Variants in PPP1R12C observed in about 807,000 individuals in gnomAD.
PPP1R12C encodes the protein protein phosphatase 1 regulatory subunit 12C.
In PPP1R12C, 48 loss-of-function variants were observed where a neutral mutation model predicts 95.6. The ratio of observed to expected loss-of-function variants is 0.50; its 90% CI spans 0.40 to 0.64. The LOEUF (loss-of-function observed/expected upper bound fraction) is 0.64. Among genes scored for constraint, PPP1R12C ranks in the 30% least tolerant of loss-of-function variants. The pLI is 0.00. For synonymous variants in PPP1R12C, 480 were observed against 460.8 expected, an observed-to-expected ratio of 1.04 and a Z score of -0.53; for missense variants, 1,057 against 1,083.3, an observed-to-expected ratio of 0.98 and a Z score of 0.34.
chr19:55,096,405 C>G, intron 6 of PPP1R12C, 70 bp from the exon 7 acceptor site: 2 of 1,537,778 alleles, frequency 1.3e-6, no homozygotes, highest in South Asian at 2.2e-5. Flanking sequence ...CCACCACAAA[C>G]AGCTGTGCAG....
At chr19:55,103,995 CAAAAAA>C (rs35207330) in intron 3 of PPP1R12C, among the ~76,000 whole-genome samples, 1 of 118,704 alleles carries the variant, frequency 8.4e-6, no homozygotes, top group Non-Finnish European at 1.7e-5. Context: ...ACTAAAACTA[CAAAAAA>C]AAAAAAAAAA....
chr19:55,108,984 C>T (rs1199617994), intron 3 of PPP1R12C, among the ~76,000 whole-genome samples: 1 of 152,152 alleles, frequency 6.6e-6, no homozygotes, highest in Non-Finnish European at 1.5e-5. Flanking sequence ...GGGATGAAGA[C>T]TGAATCATGT....
At position 55,091,384 on chromosome 19, in the gene PPP1R12C, G is replaced by A. The variant is rs1285353078; in HGVS notation, c.*88C>T. Reference sequence around the variant, plus strand: ...TATGGCTTCTCTGAGACTTCCCCCGGAGCCCTGTCACTCGTGTTCACACGG... The same window carrying A: ...TATGGCTTCTCTGAGACTTCCCCCGAAGCCCTGTCACTCGTGTTCACACGG... On this transcript the variant is annotated 3_prime_UTR_variant, in exon 22 of 22. Transcript: ENST00000263433. 2 of 1,326,164 alleles carry A rather than the reference G, an allele frequency of 1.5e-6. No homozygotes were observed. The highest frequency in any genetic ancestry group is 1.3e-5 in the South Asian group (1 of 77,400). 82.1% of individuals were successfully genotyped at this position (1,326,164 alleles called of 1,614,324 possible).
intron 17 of PPP1R12C, 27 bp from the exon 18 acceptor site, chr19:55,092,571 G>A: frequency 6.3e-7 from 1 of 1,578,358 alleles, no homozygotes; most frequent in Non-Finnish European, 8.6e-7. Flanking sequence ...GCGCGCGTCA[G>A]GGGCCGGCCC....
At position 55,092,341 on chromosome 19, in the gene PPP1R12C, G is replaced by A; in HGVS notation, c.2056-15C>T. 2 of 1,584,552 alleles carry A rather than the reference G, an allele frequency of 1.3e-6. No individual in the cohort carries two copies. Among genetic ancestry groups the A allele is most frequent in the East Asian group, 2.3e-5 (1 of 43,458 alleles). ...TCTGCATACAGCTGGGGGTCAGGTA[G>A]AGGAGGGTCAGGTGGAGGATGGGGC... On this transcript the variant is annotated splice_polypyrimidine_tract_variant and intron_variant, in intron 18 of 21. Transcript: ENST00000263433.
At chr19:55,097,895 T>C (rs1451716347) in intron 6 of PPP1R12C, among the ~76,000 whole-genome samples, 16 of 152,064 alleles carry the variant, frequency 1.1e-4, no homozygotes, top group Admixed American at 1.0e-3. Flanking sequence ...GAAGCCACCA[T>C]GCTCCTCGCC....
rs1603015579 is a variant in PPP1R12C, at chr19:55,117,605, C to A, written c.-62G>T. 1.1e-6 allele frequency: 1 copy of A among 915,994 alleles called. No individual in the cohort carries two copies. Among genetic ancestry groups the A allele is most frequent in the Non-Finnish European group, 1.3e-6 (1 of 779,554 alleles). The allele number at this position is 915,994 out of a possible 1,614,324, so 56.7% of individuals were successfully genotyped here. A position where few individuals can be genotyped will look rare whatever the true frequency, so the allele number is the denominator to read the frequency against. ...GAGCCCCAACCGCCGCCACCACCCG[C>A]CCGCCCGCCCGCCCCGGGGGCCGCC... On this transcript the variant is annotated 5_prime_UTR_variant, in exon 1 of 22. Coordinates refer to ENST00000263433, the MANE Select transcript of PPP1R12C (RefSeq NM_017607.4).
At chr19:55,097,127 C>T (rs2084925473) in intron 6 of PPP1R12C, 1 of 246,232 alleles carries the variant, frequency 4.1e-6, no homozygotes, top group African/African-American at 3.1e-5. Context: ...ACCGTCTTCA[C>T]CCCTTCCCCA....
Position 55,112,799 on chromosome 19 carries a change from G to C in PPP1R12C, c.322-4C>G, listed in dbSNP as rs1159388288. ...CCAGGTTCTCATCAATGCAGGCCTG[G>C]GGGTGGGAAACAGCCGTCAGCCGCA... is the stretch of plus-strand genomic sequence containing the variant. On this transcript the variant is annotated splice_polypyrimidine_tract_variant and splice_region_variant and intron_variant, in intron 1 of 21. Transcript: ENST00000263433. 6.2e-7 allele frequency: 1 copy of C among 1,612,146 alleles called. No individual in the cohort carries two copies. Among genetic ancestry groups the C allele is most frequent in the African/African-American group, 1.3e-5 (1 of 74,876 alleles).
At chr19:55,092,009 C>T in intron 19 of PPP1R12C, 100 bp from the exon 20 acceptor site, 3 of 1,440,160 alleles carry the variant, frequency 2.1e-6, no homozygotes, top group Non-Finnish European at 2.9e-6. Context: ...CACTAGGCAG[C>T]CCACAAGCCC....
intron 8 of PPP1R12C, 52 bp from the exon 9 acceptor site, chr19:55,095,992 A>T (rs771710106): frequency 9.9e-6 from 16 of 1,608,402 alleles, no homozygotes; most frequent in Non-Finnish European, 1.4e-5. Context: ...TTGCCTCTAG[A>T]TTCAGAGAAC....
chr19:55,090,933 TTTTA>T lies in PPP1R12C; in HGVS notation c.*535_*538del, dbSNP rs1285279974. ...AGAGCTTGAGTGGCAACTTCACGAC[TTTTA>T]TTTGTGGTGCCTGTGCTTTATCTCG... On this transcript the variant is annotated 3_prime_UTR_variant, in exon 22 of 22. Coordinates refer to ENST00000263433, the MANE Select transcript of PPP1R12C (RefSeq NM_017607.4). 6.5e-6 allele frequency: 1 copy of T among 154,526 alleles called. No homozygotes were observed. The highest frequency in any genetic ancestry group is 2.4e-5 in the African/African-American group (1 of 41,438). The allele number at this position is 154,526 out of a possible 1,614,324, so 9.6% of individuals were successfully genotyped here.
At chr19:55,091,946 GAAGC>G in intron 19 of PPP1R12C, 37 bp from the exon 20 acceptor site, 1 of 1,611,132 alleles carries the variant, frequency 6.2e-7, no homozygotes, top group African/African-American at 1.3e-5. Flanking sequence ...GTCAGCAGAA[GAAGC>G]CAGCACTGCT....
In PPP1R12C at chr19:55,099,004, C is replaced by T; in HGVS notation, c.823G>A (p.Ala275Thr). 6.4e-7 allele frequency: 1 copy of T among 1,557,616 alleles called. No individual in the cohort carries two copies. The highest frequency in any genetic ancestry group is 8.7e-7 in the Non-Finnish European group (1 of 1,150,860). Residue 275 changes from alanine to threonine, a missense_variant, in exon 5 of 22, where the codon GCC becomes ACC. Coordinates refer to ENST00000263433, the MANE Select transcript of PPP1R12C (RefSeq NM_017607.4). ...HAAAHWGVED[A>T]CRLLAEHGGG... Reference sequence around the variant, plus strand: ...CCATGCTCGGCCAGCAGGCGGCAGGCATCCTCCACGCCCCAGTGTGCCGCT... The same window carrying T: ...CCATGCTCGGCCAGCAGGCGGCAGGTATCCTCCACGCCCCAGTGTGCCGCT...
chr19:55,102,651 AC>A (rs1245253962), intron 4 of PPP1R12C, among the ~76,000 whole-genome samples: 1 of 152,252 alleles, frequency 6.6e-6, no homozygotes, highest in Non-Finnish European at 1.5e-5. Flanking sequence ...ATAGTAACTG[AC>A]AGAATAAGCA....
chr19:55,112,375 C>T, intron 3 of PPP1R12C, 92 bp downstream of exon 3: 1 of 1,151,318 alleles, frequency 8.7e-7, no homozygotes, highest in African/African-American at 1.5e-5. Flanking sequence ...GCAGGGTCAG[C>T]CTCGGTGCCC....
chr19:55,096,186 G>C lies in PPP1R12C; in HGVS notation c.1026-8C>G. The C allele has an allele frequency of 6.2e-7, 1 of 1,608,328 alleles. No homozygotes were observed. The highest frequency in any genetic ancestry group is 8.5e-7 in the Non-Finnish European group (1 of 1,176,360). Reference sequence around the variant, plus strand: ...AGACGACACACAGAGCTCCTGTTGGGGAAGGAGAGGGTGCTGGGGTACAAG... The same window carrying C: ...AGACGACACACAGAGCTCCTGTTGGCGAAGGAGAGGGTGCTGGGGTACAAG... On this transcript the variant is annotated splice_region_variant and splice_polypyrimidine_tract_variant and intron_variant, in intron 7 of 21. Transcript: ENST00000263433.
chr19:55,103,206 T>C (rs10401227), intron 4 of PPP1R12C, among the ~76,000 whole-genome samples: 23,866 of 151,892 alleles, frequency 0.16, 1,929 homozygotes, highest in East Asian at 0.28. Flanking sequence ...AATAAATAAA[T>C]AATAAAAGAT....
In PPP1R12C at chr19:55,104,337, A is replaced by C. The variant is rs80274187; in HGVS notation, c.572-769T>G. On this transcript the variant is annotated intron_variant, in intron 3 of 21. Transcript: ENST00000263433. The stretch of plus-strand genomic sequence containing the variant: ...CTATATATATAAAACCTATATATAT[A>C]TCTCTCCTATATATGTAACATATAT... Among the ~76,000 whole-genome samples, 683 of 150,392 alleles carry C rather than the reference A, an allele frequency of 4.5e-3. 7 individuals are homozygous for C. The highest frequency in any genetic ancestry group is 0.012 in the African/African-American group (509 of 41,036).
Sources: allele counts gnomAD v4.1 joint callset (sites outside exome capture counted in the v4.1 genomes callset), GRCh38; gene constraint gnomAD v4.1.1; transcripts MANE v1.5; gene names NCBI Gene and HGNC (gene_info 2026-07-23, HGNC 2026-07-21).